Variants in SKI observed in about 807,000 individuals in gnomAD.
The protein encoded by SKI is SKI proto-oncogene.
A neutral mutation model predicts 59.3 loss-of-function variants in SKI; 23 were observed. The ratio of observed to expected loss-of-function variants is 0.39; its 90% CI spans 0.28 to 0.55. SKI has a LOEUF of 0.55. Ranked by LOEUF, SKI falls within the 20% of genes least tolerant of loss-of-function variation. The probability of loss-of-function intolerance (pLI) is 0.67; values close to 1 mark genes in which losing one functional copy is unlikely to be tolerated. For synonymous variants in SKI, 673 were observed against 488.6 expected (o/e 1.38, Z -4.98); for missense variants, 1,017 against 1,038.9 (o/e 0.98, Z 0.29).
intron 1 of SKI, among the ~76,000 whole-genome samples, chr1:2,258,091 G>A (rs2100833911): frequency 6.6e-6 from 1 of 152,350 alleles, no homozygotes; most frequent in African/African-American, 2.4e-5. Context: ...AAGGAAGAGT[G>A]TGAAGAGGTA....
chr1:2,295,726 C>T (rs1160856334), intron 1 of SKI, among the ~76,000 whole-genome samples: 2 of 68,224 alleles, frequency 2.9e-5, no homozygotes, highest in East Asian at 4.0e-4. Context: ...GCTATGTGTC[C>T]AGGCCACGTG....
At chr1:2,271,976 C>T (rs1009718600) in intron 1 of SKI, among the ~76,000 whole-genome samples, 3 of 152,156 alleles carry the variant, frequency 2.0e-5, no homozygotes, top group South Asian at 2.1e-4. Flanking sequence ...GCTGCTTTCT[C>T]GCAGCTGTTC....
At chr1:2,284,280 T>A (rs985212374) in intron 1 of SKI, among the ~76,000 whole-genome samples, 1 of 152,180 alleles carries the variant, frequency 6.6e-6, no homozygotes, top group Non-Finnish European at 1.5e-5. Context: ...GGACCCATGC[T>A]GCCGAGACGT....
chr1:2,254,679 T>C (rs1639235915), intron 1 of SKI, among the ~76,000 whole-genome samples: 1 of 152,174 alleles, frequency 6.6e-6, no homozygotes, highest in Admixed American at 6.5e-5. Context: ...AATTGGAGTC[T>C]TCTCTTTGTT....
chr1:2,250,573 G>A (rs1169533078), intron 1 of SKI, among the ~76,000 whole-genome samples: 3 of 152,228 alleles, frequency 2.0e-5, no homozygotes, highest in East Asian at 1.9e-4. Context: ...CTCTCGCCAC[G>A]ACTGTTTTTG....
chr1:2,245,387 C>T lies in SKI; in HGVS notation c.969+15652C>T, dbSNP rs1253699229. Among the ~76,000 whole-genome samples the T allele has an allele frequency of 2.6e-5, 4 of 152,178 alleles. No homozygotes were observed. In the East Asian group the frequency reaches 7.7e-4, roughly 29 times the overall value. On this transcript the variant is annotated intron_variant, in intron 1 of 6. Transcript: ENST00000378536. ...GTCGTGAATGATGCTGCTGTGAGCA[C>T]GGGTGCACAGTGACCTCTGGAGACC... is the stretch of plus-strand genomic sequence containing the variant.
Position 2,229,774 on chromosome 1 carries a change from T to G in SKI, c.969+39T>G. 6.5e-7 allele frequency: 1 copy of G among 1,549,958 alleles called. No individual in the cohort carries two copies. The highest frequency in any genetic ancestry group is 1.2e-5 in the South Asian group (1 of 83,672). On this transcript the variant is annotated intron_variant, in intron 1 of 6. Coordinates refer to ENST00000378536, the MANE Select transcript of SKI (RefSeq NM_003036.4). The surrounding 1 kb of genome is among the most constrained non-coding windows in gnomAD (Gnocchi z 6.3). Reference sequence around the variant, plus strand: ...GGCCTGGGAGCTGGGGAGGATGCGCTTGGGGTGGGGGCCCCTTCTGGACTA... The same window carrying G: ...GGCCTGGGAGCTGGGGAGGATGCGCGTGGGGTGGGGGCCCCTTCTGGACTA...
Position 2,287,506 on chromosome 1 carries a change from T to C in SKI, c.970-15472T>C, listed in dbSNP as rs112768069. 5.2e-3 allele frequency among the ~76,000 whole-genome samples: 783 copies of C among 151,962 alleles called. 8 individuals are homozygous for C. Among genetic ancestry groups the C allele is most frequent in the African/African-American group, 0.018 (742 of 41,428 alleles). On this transcript the variant is annotated intron_variant, in intron 1 of 6. Transcript: ENST00000378536. ...TGCCCGCCACCACGCCCAGCTAATT[T>C]TTTGTATTTTTAGTAGAGACGGGGT...
chr1:2,304,058 A>T lies in SKI; in HGVS notation c.1430A>T (p.Asp477Val). The stretch of plus-strand genomic sequence containing the variant: ...GCGCCCGTGGCTGCCCCAGAGGAGG[A>T]CAAGGACTCGGAGGCGGAGGTGGAA... ...TLAPVAAPEE[D>V]KDSEAEVEVE... Residue 477 changes from aspartate (D) to valine (V), a missense_variant, in exon 4 of 7, where the codon GAC becomes GTC. By Grantham distance (152) the Asp-to-Val change is radical. Coordinates refer to ENST00000378536, the MANE Select transcript of SKI (RefSeq NM_003036.4). 6.2e-7 allele frequency: 1 copy of T among 1,612,602 alleles called. No homozygotes were observed. The highest frequency in any genetic ancestry group is 2.2e-5 in the East Asian group (1 of 44,868).
At chr1:2,241,682 T>A (rs1006087224) in intron 1 of SKI, among the ~76,000 whole-genome samples, 1 of 152,196 alleles carries the variant, frequency 6.6e-6, no homozygotes, top group African/African-American at 2.4e-5. Flanking sequence ...TGTGAGCCAC[T>A]GCGCCCGGCC....
At chr1:2,292,854 C>T (rs553447466) in intron 1 of SKI, among the ~76,000 whole-genome samples, 15 of 152,282 alleles carry the variant, frequency 9.9e-5, no homozygotes, top group East Asian at 5.8e-4. Flanking sequence ...GAGTCCCCTT[C>T]GGAGGAAGCA....
intron 1 of SKI, among the ~76,000 whole-genome samples, chr1:2,236,585 T>C (rs1309244064): frequency 6.6e-6 from 1 of 152,168 alleles, no homozygotes; most frequent in Non-Finnish European, 1.5e-5. Context: ...TTTTTGTATT[T>C]TAGTAGAGAC....
In SKI at chr1:2,268,712, G is replaced by A. The variant is rs141675346; in HGVS notation, c.970-34266G>A. 6.9e-3 allele frequency among the ~76,000 whole-genome samples: 1,052 copies of A among 152,332 alleles called. 19 individuals carry two copies. The highest frequency in any genetic ancestry group is 0.023 in the African/African-American group (961 of 41,572). On this transcript the variant is annotated intron_variant, in intron 1 of 6. Transcript: ENST00000378536. The surrounding 1 kb of genome is among the most constrained non-coding windows in gnomAD (Gnocchi z 5.0). ...TGGCCTGTGAGGGCTGCAGAGCAGCGTGCCCAGGGGCTGTAGGTGCAGTCC... is the reference window on the plus strand; with the variant it reads ...TGGCCTGTGAGGGCTGCAGAGCAGCATGCCCAGGGGCTGTAGGTGCAGTCC...
intron 1 of SKI, among the ~76,000 whole-genome samples, chr1:2,285,864 CAGA>C (rs1430041938): frequency 6.9e-6 from 1 of 145,522 alleles, no homozygotes; most frequent in Non-Finnish European, 1.5e-5. Flanking sequence ...CCGCACCAGC[CAGA>C]AGGTTTTTTT....
At chr1:2,255,677 A>T (rs1557823211) in intron 1 of SKI, among the ~76,000 whole-genome samples, 1 of 146,570 alleles carries the variant, frequency 6.8e-6, no homozygotes, top group African/African-American at 2.6e-5. Context: ...TCCTGTCTGG[A>T]TCTCTCTATG....
chr1:2,287,799 G>A (rs376509399), intron 1 of SKI, among the ~76,000 whole-genome samples: 4 of 152,176 alleles, frequency 2.6e-5, no homozygotes, highest in East Asian at 1.9e-4. Context: ...CACCTTGGGG[G>A]ATGAGCCCAG....
chr1:2,241,319 C>T (rs1638865129), intron 1 of SKI, among the ~76,000 whole-genome samples: 1 of 152,240 alleles, frequency 6.6e-6, no homozygotes, highest in African/African-American at 2.4e-5. Flanking sequence ...CCCATGTATC[C>T]CGTTCACCAG....
chr1:2,249,776 T>C (rs552322047), intron 1 of SKI, among the ~76,000 whole-genome samples: 5 of 152,240 alleles, frequency 3.3e-5, no homozygotes, highest in African/African-American at 4.8e-5. Flanking sequence ...TTTTGTTGGA[T>C]TCGTCAATTA....
chr1:2,253,877 G>T (rs1474829224), intron 1 of SKI, among the ~76,000 whole-genome samples: 2 of 152,206 alleles, frequency 1.3e-5, no homozygotes, highest in African/African-American at 4.8e-5. Flanking sequence ...TGCTGGACTT[G>T]CTGAGGGTTG....
Sources: gnomAD v4.1 joint callset for allele counts (sites outside exome capture counted in the v4.1 genomes callset) on GRCh38, gnomAD v4.1.1 for gene constraint, Gnocchi (gnomAD v3.1) non-coding constraint, MANE v1.5 for transcripts, NCBI Gene and HGNC (gene_info 2026-07-23, HGNC 2026-07-21) for gene names.